Variants in GNB1 observed in about 807,000 individuals in gnomAD.
GNB1 encodes the protein G protein subunit beta 1.
In GNB1, 2 loss-of-function variants were observed where a neutral mutation model predicts 42.9. The ratio of observed to expected loss-of-function variants is 0.05; its 90% CI spans 0.02 to 0.15. GNB1 has a LOEUF of 0.15. Among genes scored for constraint, GNB1 ranks in the 10% least tolerant of loss-of-function variants. The pLI is 1.00. For missense variants in GNB1, 193 were observed against 462.2 expected, an observed-to-expected ratio of 0.42 and a Z score of 5.34; for synonymous variants, 183 against 174.7, an observed-to-expected ratio of 1.05 and a Z score of -0.38.
chr1:1,788,416 T>A lies in GNB1; in HGVS notation c.916+637A>T, dbSNP rs189264829. On this transcript the variant is annotated intron_variant, in intron 10 of 11. Transcript: ENST00000378609. ...CCGCCCTTCAACAGCACTGTGACTG[T>A]GAGACTTGGCTGGAAATGGCTCCAC... 231 of 154,566 alleles carry A rather than the reference T, an allele frequency of 1.5e-3. 1 individual carries two copies. The highest frequency in any genetic ancestry group is 5.4e-3 in the Admixed American group (86 of 15,792). The allele number at this position is 154,566 out of a possible 1,614,324, so 9.6% of individuals were successfully genotyped here. A position where few individuals can be genotyped will look rare whatever the true frequency, so the allele number is the denominator to read the frequency against.
At chr1:1,834,067 G>C (rs1331846041) in intron 2 of GNB1, among the ~76,000 whole-genome samples, 1 of 151,998 alleles carries the variant, frequency 6.6e-6, no homozygotes, top group East Asian at 1.9e-4. Flanking sequence ...ATGGAGGGAG[G>C]ATTTCTGGAC....
At chr1:1,834,914 C>T (rs1051945253) in intron 2 of GNB1, among the ~76,000 whole-genome samples, 6 of 152,024 alleles carry the variant, frequency 3.9e-5, no homozygotes, top group African/African-American at 1.2e-4. Flanking sequence ...ATGATCCGCC[C>T]ACCTCAGCCT....
chr1:1,839,071 C>G (rs1557917088), intron 2 of GNB1, 119 bp downstream of exon 2: 1 of 152,148 alleles, frequency 6.6e-6, no homozygotes, highest in Non-Finnish European at 1.5e-5. Context: ...GTCTGAGCAA[C>G]ATGGCAAAAC....
Position 1,841,995 on chromosome 1 carries a change from T to C in GNB1, c.-95-2757A>G, listed in dbSNP as rs146959998. ...AATAAAATGTGGTCTATCCAAACAA[T>C]TGAATATTATTCAGCTATAAAGATA... On this transcript the variant is annotated intron_variant, in intron 1 of 11. Coordinates refer to ENST00000378609, the MANE Select transcript of GNB1 (RefSeq NM_002074.5). 2.8e-3 allele frequency among the ~76,000 whole-genome samples: 433 copies of C among 152,316 alleles called. 3 individuals carry two copies. The highest frequency in any genetic ancestry group is 9.6e-3 in the African/African-American group (401 of 41,568).
intron 3 of GNB1, among the ~76,000 whole-genome samples, chr1:1,818,628 C>T (rs1485504638): frequency 6.6e-6 from 1 of 151,838 alleles, no homozygotes; most frequent in Non-Finnish European, 1.5e-5. Context: ...TTTGGGAGGC[C>T]GAGGTGGGTG....
chr1:1,851,436 C>A (rs1647978138), intron 1 of GNB1, among the ~76,000 whole-genome samples: 2 of 148,102 alleles, frequency 1.4e-5, no homozygotes, highest in African/African-American at 2.5e-5. Flanking sequence ...AAAAAATTAG[C>A]AGGGCATGGT....
At chr1:1,842,960 G>T (rs1441349886) in intron 1 of GNB1, among the ~76,000 whole-genome samples, 1 of 152,170 alleles carries the variant, frequency 6.6e-6, no homozygotes, top group Non-Finnish European at 1.5e-5. Context: ...CTCAACCTCA[G>T]CACAATGAAC....
At chr1:1,880,463 C>T (rs1296961865) in intron 1 of GNB1, among the ~76,000 whole-genome samples, 1 of 151,950 alleles carries the variant, frequency 6.6e-6, no homozygotes, top group Non-Finnish European at 1.5e-5. Context: ...TGGGGGGTGC[C>T]TGTAGTCCCA....
At position 1,865,323 on chromosome 1, in the gene GNB1, A is replaced by G. The variant is rs1367871148; in HGVS notation, c.-96+25497T>C. ...AAAAACAGGCAACACATTGTGGCTC[A>G]TGCCTGTAATCCCAGCACTCTGAGA... On this transcript the variant is annotated intron_variant, in intron 1 of 11. Transcript: ENST00000378609. 2.0e-5 allele frequency among the ~76,000 whole-genome samples: 3 copies of G among 150,236 alleles called. No homozygotes were observed. The East Asian group carries it at 5.9e-4, about 29-fold the overall frequency.
intron 1 of GNB1, among the ~76,000 whole-genome samples, chr1:1,878,526 T>C (rs1474643923): frequency 6.6e-6 from 1 of 152,140 alleles, no homozygotes. Context: ...CCTCAAATGT[T>C]TGGACCACCC....
intron 1 of GNB1, among the ~76,000 whole-genome samples, chr1:1,883,339 G>T (rs1363109006): frequency 6.6e-6 from 1 of 151,302 alleles, no homozygotes; most frequent in African/African-American, 2.4e-5. Flanking sequence ...GGATGTGAGA[G>T]ATTTAGTAGA....
At chr1:1,888,992 T>C (rs1336914698) in intron 1 of GNB1, among the ~76,000 whole-genome samples, 1 of 152,184 alleles carries the variant, frequency 6.6e-6, no homozygotes, top group African/African-American at 2.4e-5. Context: ...GAACCGCCTA[T>C]CCACTTTCTT....
intron 5 of GNB1, among the ~76,000 whole-genome samples, chr1:1,810,887 C>T (rs952345942): frequency 1.3e-5 from 2 of 151,922 alleles, no homozygotes; most frequent in African/African-American, 4.8e-5. Context: ...AGGCTGGTCT[C>T]AAACTCCTGA....
At chr1:1,806,987 A>AGAAAG (rs1646703815) in intron 5 of GNB1, among the ~76,000 whole-genome samples, 1 of 151,936 alleles carries the variant, frequency 6.6e-6, no homozygotes. Context: ...AAAGAAAGAA[A>AGAAAG]GAAAGGAAAG....
intron 2 of GNB1, among the ~76,000 whole-genome samples, chr1:1,828,814 G>C (rs1017526451): frequency 6.6e-5 from 10 of 152,016 alleles, no homozygotes; most frequent in South Asian, 4.1e-4. Flanking sequence ...GGTCAAGTCG[G>C]GAGGACTGCT....
At chr1:1,890,628 G>T (rs1650446061) in intron 1 of GNB1, among the ~76,000 whole-genome samples, 192 bp downstream of exon 1, 1 of 147,712 alleles carries the variant, frequency 6.8e-6, no homozygotes, top group African/African-American at 2.4e-5. Context: ...CCCCGCCCTC[G>T]ACCCCGACCC....
chr1:1,837,047 T>G (rs189248793), intron 2 of GNB1, among the ~76,000 whole-genome samples: 4 of 152,214 alleles, frequency 2.6e-5, no homozygotes, highest in Non-Finnish European at 4.4e-5. Flanking sequence ...AGACATTTGC[T>G]AATATTTTCT....
rs1410000989 is a variant in GNB1, at chr1:1,877,330, T to TAC, written c.-96+13488_-96+13489dup. On this transcript the variant is annotated intron_variant, in intron 1 of 11. Coordinates refer to ENST00000378609, the MANE Select transcript of GNB1 (RefSeq NM_002074.5). Reference sequence around the variant, plus strand: ...AAAAAAAAAAAAATATATATATATATACACACACACACAGAGTGGGACCCC... The same window carrying TAC: ...AAAAAAAAAAAAATATATATATATATACACACACACACACAGAGTGGGACCCC... 4.0e-3 allele frequency among the ~76,000 whole-genome samples: 561 copies of TAC among 138,848 alleles called. 7 individuals carry two copies. The highest frequency in any genetic ancestry group is 0.016 in the East Asian group (76 of 4,624). The allele number at this position is 138,848 out of a possible 152,430, so 91.1% of individuals were successfully genotyped here.
chr1:1,795,247 G>A (rs529230726), intron 7 of GNB1, among the ~76,000 whole-genome samples: 4 of 152,128 alleles, frequency 2.6e-5, no homozygotes, highest in South Asian at 2.1e-4. Context: ...GTCTCCACCC[G>A]AGCCCTCCTC....
Sources: allele counts gnomAD v4.1 joint callset (sites outside exome capture counted in the v4.1 genomes callset), GRCh38; gene constraint gnomAD v4.1.1; transcripts MANE v1.5; gene names NCBI Gene and HGNC (gene_info 2026-07-23, HGNC 2026-07-21).